CTDSP2: variants seen among roughly 807,000 people sequenced by gnomAD.
CTDSP2 encodes the protein CTD small phosphatase 2, also known as carboxy-terminal domain RNA polymerase II polypeptide A small phosphatase 2.
Under a neutral mutation model 31.6 loss-of-function variants are expected in CTDSP2, and 9 were observed. The ratio of observed to expected loss-of-function variants is 0.28; its 90% CI spans 0.17 to 0.50. The LOEUF is 0.50. Ranked by LOEUF, CTDSP2 falls within the 20% of genes least tolerant of loss-of-function variation. The pLI, the probability that CTDSP2 is intolerant of heterozygous loss-of-function variation, is 0.98. For missense variants in CTDSP2, 267 were observed against 348.5 expected (o/e 0.77, Z 1.86); for synonymous variants, 134 against 134.5 (o/e 1.00, Z 0.03).
Position 57,823,719 on chromosome 12 carries a change from C to T in CTDSP2, c.699G>A (p.Val233=). 1 of 1,613,992 alleles carries T rather than the reference C, an allele frequency of 6.2e-7. No individual in the cohort carries two copies. Among genetic ancestry groups the T allele is most frequent in the Non-Finnish European group, 8.5e-7 (1 of 1,180,006 alleles). Residue 233 remains valine (V), a synonymous_variant, in exon 8 of 8, where the codon GTG becomes GTA. Transcript: ENST00000398073. The part of the protein sequence containing the change: ...YIFHPENAVP[V]QSWFDDMADT... ...CTGCCATGTCATCAAACCAGGACTGCACAGGCACCTGGTGGGGGGAAGATG... is the reference window on the plus strand; with the variant it reads ...CTGCCATGTCATCAAACCAGGACTGTACAGGCACCTGGTGGGGGGAAGATG...
At chr12:57,832,872 T>C (rs945145914) in intron 1 of CTDSP2, among the ~76,000 whole-genome samples, 2 of 150,842 alleles carry the variant, frequency 1.3e-5, no homozygotes, top group African/African-American at 4.9e-5. Context: ...CCTTGGACTT[T>C]CCCTATTTCT....
intron 3 of CTDSP2, 199 bp from the exon 4 acceptor site, chr12:57,827,296 G>C (rs1416317502): frequency 1.6e-6 from 1 of 627,718 alleles, no homozygotes; most frequent in African/African-American, 1.8e-5. Flanking sequence ...AAGTGATCTG[G>C]ACATTGGAGG....
At chr12:57,845,920 G>A (rs940106007) in intron 1 of CTDSP2, among the ~76,000 whole-genome samples, 4 of 152,172 alleles carry the variant, frequency 2.6e-5, no homozygotes, top group Non-Finnish European at 5.9e-5. Context: ...GGCTTGGGGG[G>A]GCCTGCAAGT....
chr12:57,827,620 A>T (rs1037733522), intron 2 of CTDSP2, 30 bp from the exon 3 acceptor site: 4 of 1,609,076 alleles, frequency 2.5e-6, no homozygotes, highest in Admixed American at 1.7e-5. Flanking sequence ...GGTCAGTGCC[A>T]TCTCACTGCC....
intron 1 of CTDSP2, among the ~76,000 whole-genome samples, chr12:57,838,982 T>C (rs907422782): frequency 1.3e-4 from 20 of 152,234 alleles, no homozygotes; most frequent in Admixed American, 9.8e-4. Context: ...TCAGAGGTAG[T>C]AACAGGGCCA....
At chr12:57,845,606 G>A (rs1033197900) in intron 1 of CTDSP2, 2 of 152,202 alleles carry the variant, frequency 1.3e-5, no homozygotes, top group East Asian at 3.9e-4. Flanking sequence ...ACCGCTCCCG[G>A]GCTAAACAAA....
intron 1 of CTDSP2, chr12:57,837,240 G>A (rs922625799): frequency 6.6e-6 from 1 of 152,382 alleles, no homozygotes; most frequent in African/African-American, 2.4e-5. Flanking sequence ...ACAAAAGAGG[G>A]TGAGATGCCT....
chr12:57,826,342 T>C lies in CTDSP2; in HGVS notation c.411+4A>G. On this transcript the variant is annotated splice_donor_region_variant and intron_variant, in intron 5 of 7. Coordinates refer to ENST00000398073, the MANE Select transcript of CTDSP2 (RefSeq NM_005730.4). ...GGCTGGGTGTGGTCTGGCTGGCAGC[T>C]CACCTGGTGAGTGGTCCCCTCAATC... The C allele has an allele frequency of 6.2e-7, 1 of 1,613,926 alleles. No homozygotes were observed. Among genetic ancestry groups the C allele is most frequent in the Non-Finnish European group, 8.5e-7 (1 of 1,179,928 alleles).
At chr12:57,842,618 A>G (rs567936284) in intron 1 of CTDSP2, 1 of 152,428 alleles carries the variant, frequency 6.6e-6, no homozygotes, top group Non-Finnish European at 1.5e-5. Context: ...GTCACCACGC[A>G]GGCTGCAACC....
rs1565845545 is a variant in CTDSP2 at position 57,829,448 on chromosome 12, C to T, written c.213G>A (p.Lys71=). Residue 71 remains lysine (K), a splice_region_variant and synonymous_variant, in exon 2 of 8, where the codon AAG becomes AAA. Transcript: ENST00000398073. Reference sequence around the variant, plus strand: ...CATCTTACCACCCCAACCCACCTACCTTAGCAATGGTGTTTGCTTCCTCCT... The same window carrying T: ...CATCTTACCACCCCAACCCACCTACTTTAGCAATGGTGTTTGCTTCCTCCT... ...AYKEEANTIA[K]SDLLQCLQYQ... The T allele has an allele frequency of 1.9e-6, 3 of 1,613,310 alleles. No homozygotes were observed. The highest frequency in any genetic ancestry group is 2.5e-6 in the Non-Finnish European group (3 of 1,179,426).
intron 1 of CTDSP2, among the ~76,000 whole-genome samples, chr12:57,836,055 T>C (rs1956245611): frequency 6.6e-6 from 1 of 152,180 alleles, no homozygotes; most frequent in Non-Finnish European, 1.5e-5. Flanking sequence ...GGCAACATCA[T>C]GGGCCTCATT....
At chr12:57,826,127 C>G (rs1316749886) in intron 5 of CTDSP2, among the ~76,000 whole-genome samples, 3 of 152,112 alleles carry the variant, frequency 2.0e-5, no homozygotes, top group African/African-American at 7.2e-5. Flanking sequence ...AAAGAGAAAA[C>G]AAGGGAGACA....
Position 57,843,863 on chromosome 12 carries a change from G to A in CTDSP2, c.64+2509C>T, listed in dbSNP as rs1291517642. ...TTAGTGGTTGCTGGGTGCCTAAGCA[G>A]CCCAGGAAGAAAGTCTGTCTTCTCT... is the stretch of plus-strand genomic sequence containing the variant. On this transcript the variant is annotated intron_variant, in intron 1 of 7. Coordinates refer to ENST00000398073, the MANE Select transcript of CTDSP2 (RefSeq NM_005730.4). Among the ~76,000 whole-genome samples the A allele has an allele frequency of 3.3e-5, 5 of 152,204 alleles. No individual in the cohort carries two copies. In the East Asian group the frequency reaches 7.7e-4, roughly 23 times the overall value.
intron 2 of CTDSP2, among the ~76,000 whole-genome samples, chr12:57,828,374 G>A (rs1041800150): frequency 3.4e-5 from 5 of 148,374 alleles, no homozygotes; most frequent in Non-Finnish European, 7.4e-5. Flanking sequence ...AGCCAAGATC[G>A]CACGCCATTG....
Position 57,823,689 on chromosome 12 carries a change from A to G in CTDSP2, c.729T>C (p.Thr243=), listed in dbSNP as rs1423620259. The change falls in exon 8 of 8, where the codon ACT becomes ACC. Residue 243 remains threonine (T), a synonymous_variant. Transcript: ENST00000398073. The part of the protein sequence containing the change: ...VQSWFDDMAD[T]ELLNLIPIFE... The stretch of plus-strand genomic sequence containing the variant: ...AGATTGGGATCAGGTTCAGCAACTC[A>G]GTGTCTGCCATGTCATCAAACCAGG... The G allele has an allele frequency of 6.2e-7, 1 of 1,613,952 alleles. No homozygotes were observed. Among genetic ancestry groups the G allele is most frequent in the Non-Finnish European group, 8.5e-7 (1 of 1,180,018 alleles).
Position 57,821,489 on chromosome 12 carries a change from C to T in CTDSP2, c.*2113G>A, listed in dbSNP as rs1956144524. 2 of 152,650 alleles carry T rather than the reference C, an allele frequency of 1.3e-5. No individual in the cohort carries two copies. Among genetic ancestry groups the T allele is most frequent in the Admixed American group, 1.3e-4 (2 of 15,288 alleles). The allele number at this position is 152,650 out of a possible 1,614,324, so 9.5% of individuals were successfully genotyped here. The stretch of plus-strand genomic sequence containing the variant: ...TCCTTGCAACTCAGTCAGCTTAGAG[C>T]CTCTTATTGCTTATTTAGTCAGAAA... On this transcript the variant is annotated 3_prime_UTR_variant, in exon 8 of 8. Transcript: ENST00000398073.
chr12:57,845,286 C>G (rs530213959), intron 1 of CTDSP2, among the ~76,000 whole-genome samples: 1 of 152,352 alleles, frequency 6.6e-6, no homozygotes, highest in Admixed American at 6.5e-5. Context: ...CGCGGAAAAT[C>G]TGCCGCTATT....
intron 3 of CTDSP2, 140 bp downstream of exon 3, chr12:57,827,412 A>T: frequency 1.1e-6 from 1 of 888,636 alleles, no homozygotes; most frequent in Non-Finnish European, 1.8e-6. Flanking sequence ...GCCCTCAACA[A>T]GTATGGGGAA....
At chr12:57,842,349 C>T (rs1232130136) in intron 1 of CTDSP2, 4 of 152,042 alleles carry the variant, frequency 2.6e-5, no homozygotes, top group Admixed American at 2.0e-4. Context: ...TTGGAAGGTC[C>T]CATGGAAAGG....
Sources: gnomAD v4.1 joint callset for allele counts (sites outside exome capture counted in the v4.1 genomes callset) on GRCh38, gnomAD v4.1.1 for gene constraint, MANE v1.5 for transcripts, NCBI Gene and HGNC (gene_info 2026-07-23, HGNC 2026-07-21) for gene names.